The following SLC12A1 variants were observed in gnomAD, a reference collection of about 807,000 sequenced individuals.
SLC12A1 encodes Na-K-2Cl cotransporter.
Under a neutral mutation model 130.4 loss-of-function variants are expected in SLC12A1, and 89 were observed. The observed-to-expected ratio is 0.68, with a 90% CI of 0.58 to 0.81. SLC12A1 has a LOEUF of 0.81. SLC12A1 is among the 40% of genes least tolerant of loss of function. SLC12A1 has a pLI of 0.00. For synonymous variants in SLC12A1, 499 were observed against 460.0 expected (o/e 1.08, Z -1.09); for missense variants, 1,310 against 1,336.4 (o/e 0.98, Z 0.31).
intron 5 of SLC12A1, chr15:48,227,238 C>G (rs2041301762): frequency 8.9e-7 from 1 of 1,119,260 alleles, no homozygotes; most frequent in Non-Finnish European, 1.3e-6. Flanking sequence ...AGTTAATTTA[C>G]TATTGGAAGT....
intron 20 of SLC12A1, among the ~76,000 whole-genome samples, chr15:48,282,392 TA>T (rs1469359210): frequency 6.6e-6 from 1 of 152,072 alleles, no homozygotes; most frequent in Non-Finnish European, 1.5e-5. Context: ...CTGACTCCAT[TA>T]CAAAAGAGGA....
chr15:48,301,779 G>A (rs1295815100), intron 26 of SLC12A1, among the ~76,000 whole-genome samples: 1 of 152,144 alleles, frequency 6.6e-6, no homozygotes, highest in Non-Finnish European at 1.5e-5. Context: ...AGGTTCATGA[G>A]GCTCCCTGTA....
chr15:48,226,609 C>T, intron 5 of SLC12A1, 38 bp downstream of exon 5: 1 of 1,294,246 alleles, frequency 7.7e-7, no homozygotes, highest in Non-Finnish European at 1.1e-6. Context: ...TCATCACTTG[C>T]TACGGGTAGG....
intron 17 of SLC12A1, among the ~76,000 whole-genome samples, chr15:48,264,372 T>TA (rs899149311): frequency 4.6e-5 from 7 of 152,264 alleles, no homozygotes; most frequent in Non-Finnish European, 8.8e-5. Context: ...AGAAGACACC[T>TA]ACCTCTTAAC....
intron 19 of SLC12A1, among the ~76,000 whole-genome samples, chr15:48,271,728 T>G (rs1365432841): frequency 6.6e-6 from 1 of 152,226 alleles, no homozygotes; most frequent in Non-Finnish European, 1.5e-5. Context: ...ATCTGGCTCC[T>G]GCTGGTGTTA....
intron 4 of SLC12A1, chr15:48,226,138 C>T: frequency 4.5e-6 from 1 of 221,988 alleles, no homozygotes; most frequent in Non-Finnish European, 8.6e-6. Flanking sequence ...TTTCTCATTC[C>T]AGTTCCTTCA....
At chr15:48,275,699 T>C (rs2041944843) in intron 20 of SLC12A1, among the ~76,000 whole-genome samples, 1 of 152,074 alleles carries the variant, frequency 6.6e-6, no homozygotes, top group African/African-American at 2.4e-5. Flanking sequence ...ATGGAATATG[T>C]AGACAACCAA....
At chr15:48,263,136 C>T (rs1292693363) in intron 17 of SLC12A1, among the ~76,000 whole-genome samples, 1 of 152,224 alleles carries the variant, frequency 6.6e-6, no homozygotes, top group East Asian at 1.9e-4. Flanking sequence ...GCAGCAGTTC[C>T]TTATTCATAT....
intron 15 of SLC12A1, among the ~76,000 whole-genome samples, chr15:48,252,986 TCAATTGGATAAA>T (rs753973941): frequency 3.3e-5 from 5 of 152,176 alleles, no homozygotes; most frequent in Non-Finnish European, 7.4e-5. Context: ...CACAGGCTAA[TCAATTGGATAAA>T]CAATTGGATC....
intron 9 of SLC12A1, among the ~76,000 whole-genome samples, chr15:48,238,567 G>A (rs566669546): frequency 2.2e-4 from 33 of 152,262 alleles, no homozygotes; most frequent in South Asian, 1.0e-3. Context: ...GTAGTAACGT[G>A]GTCACAAGCC....
At position 48,301,323 on chromosome 15, in the gene SLC12A1, C is replaced by A; in HGVS notation, c.3105C>A (p.Arg1035=). Residue 1035 remains arginine (R), a synonymous_variant, in exon 26 of 27, where the codon CGC becomes CGA. Coordinates refer to ENST00000380993, the MANE Select transcript of SLC12A1 (RefSeq NM_000338.3). ...ELEAVKEKSY[R]QVRLNELLQE... ...CTGAATGTTGCCCACAGAGTTACCG[C>A]CAAGTTCGACTGAATGAACTCTTAC... The A allele has an allele frequency of 6.2e-7, 1 of 1,600,168 alleles. No individual in the cohort carries two copies. The highest frequency in any genetic ancestry group is 8.5e-7 in the Non-Finnish European group (1 of 1,172,744).
At chr15:48,281,569 AC>A (rs1429860542) in intron 20 of SLC12A1, among the ~76,000 whole-genome samples, 1 of 152,154 alleles carries the variant, frequency 6.6e-6, no homozygotes, top group East Asian at 1.9e-4. Context: ...AGGGATAAAC[AC>A]TAGAATTGGG....
intron 9 of SLC12A1, among the ~76,000 whole-genome samples, chr15:48,236,459 A>T (rs868717112): frequency 3.9e-5 from 6 of 152,286 alleles, no homozygotes; most frequent in Middle Eastern, 3.4e-3. Flanking sequence ...AACTGGAGAA[A>T]CCCTGATGGG....
intron 4 of SLC12A1, chr15:48,222,927 T>G (rs1017542496): frequency 6.6e-6 from 1 of 152,220 alleles, no homozygotes; most frequent in Admixed American, 6.5e-5. Flanking sequence ...TTTGGCTGTC[T>G]TGTTCCCAAA....
rs34820738 is a variant in SLC12A1 at position 48,267,566 on chromosome 15, G to A, written c.2160G>A (p.Pro720=). Residue 720 remains proline (P), a synonymous_variant, in exon 18 of 27, where the codon CCG becomes CCA. Transcript: ENST00000380993. The part of the protein sequence containing the change: ...LCICCEVFVG[P]RKLCVKEMNS... Reference sequence around the variant, plus strand: ...TATTTCATTGTGTCACACAGGGACCGCGCAAACTGTGTGTTAAGGAGATGA... The same window carrying A: ...TATTTCATTGTGTCACACAGGGACCACGCAAACTGTGTGTTAAGGAGATGA... 456 of 1,613,274 alleles carry A rather than the reference G, an allele frequency of 2.8e-4. No homozygotes were observed. In the African/African-American group the frequency reaches 5.2e-3, roughly 18 times the overall value.
At chr15:48,230,270 T>C in intron 6 of SLC12A1, 123 bp from the exon 7 acceptor site, 1 of 611,114 alleles carries the variant, frequency 1.6e-6, no homozygotes, top group Non-Finnish European at 2.9e-6. Flanking sequence ...ATACTCCATT[T>C]TTCTATTATC....
At position 48,248,419 on chromosome 15, in the gene SLC12A1, A is replaced by G. The variant is rs141471331; in HGVS notation, c.1684+959A>G. ...AAATCATTGCCCTGTGCTGCATTTA[A>G]GCGAATAAGCAACCAAAGTTTTTAA... is the stretch of plus-strand genomic sequence containing the variant. On this transcript the variant is annotated intron_variant, in intron 13 of 26. Transcript: ENST00000380993. Among the ~76,000 whole-genome samples, 740 of 152,372 alleles carry G rather than the reference A, an allele frequency of 4.9e-3. 8 individuals carry two copies. The highest frequency in any genetic ancestry group is 0.044 in the Middle Eastern group (13 of 294).
chr15:48,281,426 T>C (rs1248027464), intron 20 of SLC12A1, among the ~76,000 whole-genome samples: 2 of 152,178 alleles, frequency 1.3e-5, no homozygotes, highest in African/African-American at 4.8e-5. Context: ...TTAAGCAAGG[T>C]ATTACGGAAA....
Position 48,255,556 on chromosome 15 carries a change from G to A in SLC12A1, c.1943-255G>A, listed in dbSNP as rs16960713. On this transcript the variant is annotated intron_variant, in intron 15 of 26. Coordinates refer to ENST00000380993, the MANE Select transcript of SLC12A1 (RefSeq NM_000338.3). ...TCGCACAGCCTCTCCCACCAAGCAA[G>A]ATTTCTAGGACTGCAGTTGTACAGT... 0.028 allele frequency among the ~76,000 whole-genome samples: 4,190 copies of A among 152,250 alleles called. 202 individuals are homozygous for A. Among genetic ancestry groups the A allele is most frequent in the African/African-American group, 0.097 (4,018 of 41,512 alleles).
Sources: allele counts gnomAD v4.1 joint callset (sites outside exome capture counted in the v4.1 genomes callset), GRCh38; gene constraint gnomAD v4.1.1; transcripts MANE v1.5; gene names NCBI Gene and HGNC (gene_info 2026-07-23, HGNC 2026-07-21).